Variants in ZZEF1 observed in about 807,000 individuals in gnomAD.
The protein encoded by ZZEF1 is zinc finger ZZ-type and EF-hand domain containing 1, also known as zinc finger ZZ-type and EF-hand domain-containing protein 1.
In ZZEF1, 157 loss-of-function variants were observed where a neutral mutation model predicts 342.8. The observed-to-expected ratio is 0.46, with a 90% CI of 0.40 to 0.52. The LOEUF (loss-of-function observed/expected upper bound fraction) is 0.52, where lower values mean the gene tolerates loss of function less well. Among genes scored for constraint, ZZEF1 ranks in the 20% least tolerant of loss-of-function variants. The probability of loss-of-function intolerance (pLI) is 0.00; values close to 1 mark genes in which losing one functional copy is unlikely to be tolerated. For synonymous variants in ZZEF1, 1,505 were observed against 1,429.1 expected (o/e 1.05, Z -1.20); for missense variants, 3,480 against 3,725.6 (o/e 0.93, Z 1.72).
chr17:4,061,094 C>A (rs371467812), intron 30 of ZZEF1, among the ~76,000 whole-genome samples: 2 of 152,340 alleles, frequency 1.3e-5, no homozygotes, highest in East Asian at 3.9e-4. Context: ...ATTTTATCAC[C>A]CTCATTCTCG....
intron 53 of ZZEF1, 70 bp downstream of exon 53, chr17:4,009,534 T>C (rs1252074123): frequency 6.2e-7 from 1 of 1,601,774 alleles, no homozygotes; most frequent in Non-Finnish European, 8.5e-7. Flanking sequence ...CAGCAGCTTC[T>C]GCCCTGGGTA....
At chr17:4,124,885 G>A (rs1365665139) in intron 1 of ZZEF1, among the ~76,000 whole-genome samples, 2 of 152,092 alleles carry the variant, frequency 1.3e-5, no homozygotes, top group African/African-American at 4.8e-5. Context: ...GGGGAACCTG[G>A]GACAGTAGAG....
At chr17:4,116,410 C>T (rs2058394484) in intron 3 of ZZEF1, among the ~76,000 whole-genome samples, 2 of 152,240 alleles carry the variant, frequency 1.3e-5, no homozygotes, top group South Asian at 2.1e-4. Context: ...ATTTATAACA[C>T]TGACTTTATC....
chr17:4,083,751 C>T (rs961597243), intron 16 of ZZEF1, among the ~76,000 whole-genome samples: 26 of 151,708 alleles, frequency 1.7e-4, no homozygotes, highest in African/African-American at 4.8e-4. Context: ...AATTCTCCTG[C>T]TTCGACCTCC....
At chr17:4,021,918 T>C (rs1201547754) in intron 44 of ZZEF1, among the ~76,000 whole-genome samples, 1 of 151,338 alleles carries the variant, frequency 6.6e-6, no homozygotes, top group Non-Finnish European at 1.5e-5. Context: ...GTGTTTGGAA[T>C]ATAGAGTTTG....
At position 4,076,937 on chromosome 17, in the gene ZZEF1, T is replaced by C. The variant is rs1454576238; in HGVS notation, c.3042A>G (p.Ser1014=). The C allele has an allele frequency of 6.2e-7, 1 of 1,614,118 alleles. No individual in the cohort carries two copies. The highest frequency in any genetic ancestry group is 8.5e-7 in the Non-Finnish European group (1 of 1,179,990). Residue 1014 remains serine (S), a synonymous_variant, in exon 20 of 55, where the codon TCA becomes TCG. Transcript: ENST00000381638. The part of the protein sequence containing the change: ...SMRAILESLF[S]QYSGKTIVER... ...CTACTATGGTTTTTCCACTGTACTG[T>C]GAGAAAAGGGATTCCAAAATCGCTC...
At position 4,025,124 on chromosome 17, in the gene ZZEF1, G is replaced by C; in HGVS notation, c.6893-6C>G. On this transcript the variant is annotated splice_polypyrimidine_tract_variant and splice_region_variant and intron_variant, in intron 42 of 54. Coordinates refer to ENST00000381638, the MANE Select transcript of ZZEF1 (RefSeq NM_015113.4). ...GACCAGCTGGTAGTCCTTCACTGAAGGGTGACATCAGGCAGAAAAAGAAAG... is the reference window on the plus strand; with the variant it reads ...GACCAGCTGGTAGTCCTTCACTGAACGGTGACATCAGGCAGAAAAAGAAAG... The C allele has an allele frequency of 1.9e-6, 3 of 1,613,872 alleles. No individual in the cohort carries two copies. The highest frequency in any genetic ancestry group is 1.7e-6 in the Non-Finnish European group (2 of 1,179,934).
At chr17:4,032,392 T>C in intron 41 of ZZEF1, 134 bp from the exon 42 acceptor site, 1 of 999,512 alleles carries the variant, frequency 1.0e-6, no homozygotes, top group African/African-American at 1.6e-5. Flanking sequence ...TCTTCTCATC[T>C]CTAAGTCCAA....
intron 1 of ZZEF1, among the ~76,000 whole-genome samples, chr17:4,138,061 G>A (rs2058782613): frequency 6.6e-6 from 1 of 152,204 alleles, no homozygotes; most frequent in Admixed American, 6.5e-5. Context: ...CACAGGGCTA[G>A]TGCAGGTGGG....
chr17:4,123,021 G>A lies in ZZEF1; in HGVS notation c.499+886C>T, dbSNP rs547011987. On this transcript the variant is annotated intron_variant, in intron 2 of 54. Coordinates refer to ENST00000381638, the MANE Select transcript of ZZEF1 (RefSeq NM_015113.4). ...TGCAAGCTCCGCCTCCCAGGTTAAC[G>A]CCATTCTCCTGCCTCAGCCTCCCGA... Among the ~76,000 whole-genome samples the A allele has an allele frequency of 2.3e-3, 345 of 149,766 alleles. 1 individual carries two copies. The highest frequency in any genetic ancestry group is 7.8e-3 in the African/African-American group (318 of 40,802).
intron 42 of ZZEF1, among the ~76,000 whole-genome samples, chr17:4,025,555 G>A (rs1281392944): frequency 5.3e-5 from 8 of 151,952 alleles, no homozygotes; most frequent in Admixed American, 1.3e-4. Context: ...GGTGTCACAC[G>A]CTTGTGATCC....
chr17:4,088,863 G>A lies in ZZEF1; in HGVS notation c.2056C>T (p.Gln686Ter). 6.2e-7 allele frequency: 1 copy of A among 1,614,124 alleles called. No individual in the cohort carries two copies. The highest frequency in any genetic ancestry group is 1.7e-5 in the Admixed American group (1 of 60,022). Residue 686 changes from glutamine to a stop codon, truncating the protein, a stop_gained, in exon 13 of 55, where the codon CAG becomes TAG. Transcript: ENST00000381638. LOFTEE classifies it high-confidence loss of function. ...YLMVKFLCTR[Q>*]ESAERLGVQG... ...ACTCCCAAGCGCTCTGCTGACTCCT[G>A]ACGGGTGCAGAGGAACTTCACCATC...
At position 4,117,118 on chromosome 17, in the gene ZZEF1, G is replaced by A. The variant is rs144310233; in HGVS notation, c.548C>T (p.Ser183Leu). 6.3e-5 allele frequency: 102 copies of A among 1,614,010 alleles called. No individual in the cohort carries two copies. The African/African-American group carries it at 8.8e-4, about 14-fold the overall frequency. The change falls in exon 3 of 55, where the codon TCG (serine) becomes TTG (leucine). Residue 183 changes from serine to leucine, a missense_variant. Physicochemically the swap from Ser to Leu is moderately radical, Grantham distance 145. Coordinates refer to ENST00000381638, the MANE Select transcript of ZZEF1 (RefSeq NM_015113.4). Reference protein sequence around the residue: ...SESKEGLDIHSSMILRFLHRN... With the variant: ...SESKEGLDIHLSMILRFLHRN... ...GTGCAGGAAGCGCAGTATCATTGAC[G>A]AGTGAATATCAAGGCCCTCCTTCGA...
intron 13 of ZZEF1, 36 bp from the exon 14 acceptor site, chr17:4,087,570 A>G (rs1467942113): frequency 6.5e-7 from 1 of 1,549,160 alleles, no homozygotes; most frequent in Admixed American, 2.0e-5. Context: ...AATAAAACTG[A>G]AAAATGCATT....
In ZZEF1 at chr17:4,109,775, C is replaced by T; in HGVS notation, c.1155G>A (p.Lys385=). The T allele has an allele frequency of 6.2e-7, 1 of 1,614,160 alleles. No homozygotes were observed. The highest frequency in any genetic ancestry group is 8.5e-7 in the Non-Finnish European group (1 of 1,180,032). The stretch of plus-strand genomic sequence containing the variant: ...CATCTGAGACTGAGACCCCAGACTT[C>T]TTAACTCTCTGAAAGCCAACAGCCC... ...GLRAVGFQRV[K]KSGVSVSDAS... The change falls in exon 6 of 55, where the codon AAG becomes AAA. Residue 385 remains lysine (K), a synonymous_variant. Transcript: ENST00000381638.
chr17:4,137,143 C>T (rs2058761246), intron 1 of ZZEF1, among the ~76,000 whole-genome samples: 1 of 152,118 alleles, frequency 6.6e-6, no homozygotes, highest in Admixed American at 6.5e-5. Flanking sequence ...TGGGGAGCCA[C>T]TGAAGTTTCT....
At position 4,049,734 on chromosome 17, in the gene ZZEF1, C is replaced by T. The variant is rs749619776; in HGVS notation, c.5989G>A (p.Gly1997Ser). 1.9e-6 allele frequency: 3 copies of T among 1,614,082 alleles called. No individual in the cohort carries two copies. The highest frequency in any genetic ancestry group is 8.5e-7 in the Non-Finnish European group (1 of 1,180,018). Residue 1997 changes from glycine (G) to serine (S), a missense_variant, in exon 37 of 55, where the codon GGT becomes AGT. Physicochemically the swap from Gly to Ser is moderately conservative, Grantham distance 56. Coordinates refer to ENST00000381638, the MANE Select transcript of ZZEF1 (RefSeq NM_015113.4). ...TTGCCTGCTTCTGACAGCTCAGCAC[C>T]CTGGACAGCTTTCTTCTCTAGCTGC... is the stretch of plus-strand genomic sequence containing the variant. The part of the protein sequence containing the change: ...EEQLEKKAVQ[G>S]AELSEAGNGK...
At chr17:4,094,996 C>T (rs1232340143) in intron 11 of ZZEF1, among the ~76,000 whole-genome samples, 1 of 152,176 alleles carries the variant, frequency 6.6e-6, no homozygotes, top group Admixed American at 6.5e-5. Flanking sequence ...CAACACATTC[C>T]CCTGCCATTT....
At chr17:4,024,186 G>GTTGTTTTT (rs2056344151) in intron 43 of ZZEF1, among the ~76,000 whole-genome samples, 1 of 94,408 alleles carries the variant, frequency 1.1e-5, no homozygotes, top group Non-Finnish European at 2.1e-5. Flanking sequence ...TATTGCCCAG[G>GTTGTTTTT]TTTTTTTTTT....
Sources: gnomAD v4.1 joint callset for allele counts (sites outside exome capture counted in the v4.1 genomes callset) on GRCh38, gnomAD v4.1.1 for gene constraint, MANE v1.5 for transcripts, NCBI Gene and HGNC (gene_info 2026-07-23, HGNC 2026-07-21) for gene names.